Variants in MAN1A1 observed in about 807,000 individuals in gnomAD.
The protein encoded by MAN1A1 is mannosidase alpha class 1A member 1, also known as mannosyl-oligosaccharide 1,2-alpha-mannosidase IA.
MAN1A1 carries 29 observed loss-of-function variants against 70.8 expected under a neutral mutation model. The ratio of observed to expected loss-of-function variants is 0.41; its 90% CI spans 0.31 to 0.56. MAN1A1 has a LOEUF of 0.56. Among genes scored for constraint, MAN1A1 ranks in the 20% least tolerant of loss-of-function variants. The pLI is 0.29. For synonymous variants in MAN1A1, 349 were observed against 330.1 expected (o/e 1.06, Z -0.62); for missense variants, 747 against 841.3 (o/e 0.89, Z 1.39).
At chr6:119,336,345 G>T (rs1383317054) in intron 2 of MAN1A1, among the ~76,000 whole-genome samples, 1 of 152,172 alleles carries the variant, frequency 6.6e-6, no homozygotes, top group Non-Finnish European at 1.5e-5. Context: ...TGGGATTACA[G>T]GTGTGAGCCA....
intron 6 of MAN1A1, among the ~76,000 whole-genome samples, chr6:119,206,125 G>C (rs971365145): frequency 6.6e-6 from 1 of 152,162 alleles, no homozygotes; most frequent in African/African-American, 2.4e-5. Context: ...ATCTGGGCAA[G>C]GGAGAACACA....
chr6:119,335,171 G>A (rs1773420564), intron 2 of MAN1A1, among the ~76,000 whole-genome samples: 1 of 152,208 alleles, frequency 6.6e-6, no homozygotes, highest in African/African-American at 2.4e-5. Context: ...CAGCAATACT[G>A]CAGCCAAAAC....
rs140982171 is a variant in MAN1A1 at position 119,347,547 on chromosome 6, G to A, written c.603+916C>T. ...GGGAAGTAGCTCAGAGAGGAGGCATGTCCACAGACCGCGTGGTGACAGGTG... is the reference window on the plus strand; with the variant it reads ...GGGAAGTAGCTCAGAGAGGAGGCATATCCACAGACCGCGTGGTGACAGGTG... On this transcript the variant is annotated intron_variant, in intron 2 of 12. Transcript: ENST00000368468. Among the ~76,000 whole-genome samples, 213 of 152,288 alleles carry A rather than the reference G, an allele frequency of 1.4e-3. 2 individuals carry two copies. The highest frequency in any genetic ancestry group is 4.8e-3 in the African/African-American group (201 of 41,558).
At chr6:119,194,453 G>A (rs9320681) in intron 8 of MAN1A1, among the ~76,000 whole-genome samples, 101,377 of 151,982 alleles carry the variant, frequency 0.67, 35,513 homozygotes, top group South Asian at 0.8. Context: ...CCTCCCAAGT[G>A]GCTGGGACTA....
At chr6:119,262,120 A>C (rs1173939348) in intron 5 of MAN1A1, among the ~76,000 whole-genome samples, 2 of 152,228 alleles carry the variant, frequency 1.3e-5, no homozygotes, top group African/African-American at 4.8e-5. Context: ...TAAAACCCAC[A>C]GAATCAAGGT....
chr6:119,198,088 T>C (rs1476386277), intron 8 of MAN1A1, among the ~76,000 whole-genome samples: 1 of 152,220 alleles, frequency 6.6e-6, no homozygotes, highest in Admixed American at 6.5e-5. Flanking sequence ...TGTCACCTTA[T>C]ACTTAGAAAA....
At position 119,296,265 on chromosome 6, in the gene MAN1A1, T is replaced by C. The variant is rs183191867; in HGVS notation, c.817-5502A>G. Among the ~76,000 whole-genome samples, 152 of 152,268 alleles carry C rather than the reference T, an allele frequency of 1.0e-3. 4 individuals are homozygous for C. The South Asian group carries it at 0.026, about 26-fold the overall frequency. The stretch of plus-strand genomic sequence containing the variant: ...CAAAGATATGCAAATACCTCTCTTC[T>C]CTATGTTAATAGACTGGTTTTACCA... On this transcript the variant is annotated intron_variant, in intron 4 of 12. Transcript: ENST00000368468.
intron 11 of MAN1A1, among the ~76,000 whole-genome samples, chr6:119,181,882 G>A (rs1317354559): frequency 6.6e-6 from 1 of 152,126 alleles, no homozygotes; most frequent in Admixed American, 6.5e-5. Flanking sequence ...ATCATCTTCT[G>A]TGGATATACA....
chr6:119,272,195 C>T (rs1191258382), intron 5 of MAN1A1, among the ~76,000 whole-genome samples: 1 of 152,112 alleles, frequency 6.6e-6, no homozygotes, highest in Non-Finnish European at 1.5e-5. Flanking sequence ...CATATACTTT[C>T]TAATTGTCTT....
chr6:119,185,469 T>C (rs1773261077), intron 11 of MAN1A1, among the ~76,000 whole-genome samples: 1 of 152,204 alleles, frequency 6.6e-6, no homozygotes, highest in African/African-American at 2.4e-5. Flanking sequence ...GGCTTACAAA[T>C]ACTTTACAAA....
rs186999220 is a variant in MAN1A1 at position 119,263,097 on chromosome 6, G to A, written c.898-14743C>T. Among the ~76,000 whole-genome samples the A allele has an allele frequency of 6.1e-4, 93 of 152,260 alleles. 3 individuals carry two copies. The East Asian group carries it at 0.017, about 28-fold the overall frequency. On this transcript the variant is annotated intron_variant, in intron 5 of 12. Transcript: ENST00000368468. ...CAAACATCAGACTTCAAGTTCTTCA[G>A]TTTGGGGACTTGGACTGGTTCTCCT...
intron 6 of MAN1A1, among the ~76,000 whole-genome samples, chr6:119,229,626 T>C (rs1006965077): frequency 6.6e-6 from 1 of 152,212 alleles, no homozygotes; most frequent in African/African-American, 2.4e-5. Flanking sequence ...CCTCTGAGTG[T>C]AAATACTTTA....
At chr6:119,311,163 A>G (rs1772689654) in intron 2 of MAN1A1, among the ~76,000 whole-genome samples, 1 of 152,346 alleles carries the variant, frequency 6.6e-6, no homozygotes, top group African/African-American at 2.4e-5. Flanking sequence ...AGAGTTTAAC[A>G]TGTTGCCCGA....
chr6:119,349,660 C>T lies in MAN1A1; in HGVS notation c.-341G>A. ...GGGCTGAGCGCGCTGTCCCACGGTCCCGCAGCCCCGGCGCGGCTCAGGTGG... is the reference window on the plus strand; with the variant it reads ...GGGCTGAGCGCGCTGTCCCACGGTCTCGCAGCCCCGGCGCGGCTCAGGTGG... On this transcript the variant is annotated 5_prime_UTR_variant, in exon 1 of 13. Coordinates refer to ENST00000368468, the MANE Select transcript of MAN1A1 (RefSeq NM_005907.4). The T allele has an allele frequency of 1.0e-6, 1 of 985,820 alleles. No individual in the cohort carries two copies. The highest frequency in any genetic ancestry group is 1.2e-6 in the Non-Finnish European group (1 of 829,992). 61.1% of individuals were successfully genotyped at this position (985,820 alleles called of 1,614,324 possible).
intron 6 of MAN1A1, among the ~76,000 whole-genome samples, chr6:119,217,719 AGAT>A (rs1156486103): frequency 6.6e-6 from 1 of 152,220 alleles, no homozygotes; most frequent in Non-Finnish European, 1.5e-5. Context: ...AATAATGTAA[AGAT>A]GATAGAGAAA....
At chr6:119,236,879 G>A (rs996981103) in intron 6 of MAN1A1, among the ~76,000 whole-genome samples, 3 of 145,936 alleles carry the variant, frequency 2.1e-5, no homozygotes, top group African/African-American at 7.5e-5. Context: ...AAGAACATTT[G>A]TAATTTATGG....
chr6:119,273,079 G>A (rs1165793715), intron 5 of MAN1A1, among the ~76,000 whole-genome samples: 22 of 152,124 alleles, frequency 1.4e-4, no homozygotes, highest in East Asian at 1.9e-4. Context: ...CTGAATTCTA[G>A]TATGAAAAGT....
chr6:119,199,942 A>G (rs1269357584), intron 8 of MAN1A1, among the ~76,000 whole-genome samples: 1 of 152,048 alleles, frequency 6.6e-6, no homozygotes, highest in African/African-American at 2.4e-5. Context: ...AAAAGAAAAA[A>G]AAAAGAAAAA....
intron 4 of MAN1A1, among the ~76,000 whole-genome samples, chr6:119,300,185 C>T (rs1414375950): frequency 6.6e-6 from 1 of 151,980 alleles, no homozygotes; most frequent in African/African-American, 2.4e-5. Context: ...TAAAGAAAAG[C>T]CTGCAGGTTT....
Sources: gnomAD v4.1 joint callset for allele counts (sites outside exome capture counted in the v4.1 genomes callset) on GRCh38, gnomAD v4.1.1 for gene constraint, MANE v1.5 for transcripts, NCBI Gene and HGNC (gene_info 2026-07-23, HGNC 2026-07-21) for gene names.